Variants in RALGPS1 observed in about 807,000 individuals in gnomAD.
RALGPS1 encodes the protein ras-specific guanine nucleotide-releasing factor RalGPS1.
Under a neutral mutation model 78.8 loss-of-function variants are expected in RALGPS1, and 19 were observed. The observed-to-expected ratio is 0.24, with a 90% confidence interval of 0.17 to 0.35. RALGPS1 has a LOEUF of 0.35. Ranked by LOEUF, RALGPS1 falls within the 10% of genes least tolerant of loss-of-function variation. The pLI is 1.00. For missense variants in RALGPS1, 454 were observed against 688.3 expected, an observed-to-expected ratio of 0.66 and a Z score of 3.81; for synonymous variants, 228 against 256.3, an observed-to-expected ratio of 0.89 and a Z score of 1.06.
intron 14 of RALGPS1, among the ~76,000 whole-genome samples, chr9:127,201,693 T>C (rs2061640377): frequency 6.6e-6 from 1 of 152,102 alleles, no homozygotes; most frequent in African/African-American, 2.4e-5. Context: ...GGCCCGATGC[T>C]TAGCTCCTCC....
At chr9:127,217,355 C>T (rs1302717591) in intron 18 of RALGPS1, 2 of 1,005,068 alleles carry the variant, frequency 2.0e-6, no homozygotes, top group South Asian at 4.6e-5. Context: ...TATTCAACAG[C>T]AGAGGATGAT....
At chr9:127,182,470 C>T (rs1458122842) in intron 11 of RALGPS1, among the ~76,000 whole-genome samples, 1 of 148,592 alleles carries the variant, frequency 6.7e-6, no homozygotes, top group East Asian at 2.0e-4. Flanking sequence ...CGCTCTGTCA[C>T]CCAGGCTGGA....
At chr9:127,096,419 G>A (rs2053148343) in intron 8 of RALGPS1, among the ~76,000 whole-genome samples, 1 of 152,220 alleles carries the variant, frequency 6.6e-6, no homozygotes, top group Non-Finnish European at 1.5e-5. Context: ...AACGCCCACT[G>A]AGAGCGAGCA....
chr9:127,052,365 G>T (rs1009145989), intron 6 of RALGPS1, among the ~76,000 whole-genome samples: 4 of 152,222 alleles, frequency 2.6e-5, no homozygotes, highest in African/African-American at 9.6e-5. Context: ...CTAATTTGGG[G>T]TCTGGTTCAA....
At chr9:126,988,100 C>T (rs1320225666) in intron 4 of RALGPS1, among the ~76,000 whole-genome samples, 1 of 152,132 alleles carries the variant, frequency 6.6e-6, no homozygotes, top group African/African-American at 2.4e-5. Context: ...AGACCAGGAC[C>T]AAAATCCAGA....
In RALGPS1 at chr9:127,174,710, T is replaced by C; in HGVS notation, c.843-5T>C. On this transcript the variant is annotated splice_polypyrimidine_tract_variant and splice_region_variant and intron_variant, in intron 10 of 18. Coordinates refer to ENST00000259351, the MANE Select transcript of RALGPS1 (RefSeq NM_014636.3). ...ATCTGATCTTATGAAAATCTTTGTT[T>C]TCAGACTGTCGCTCAGAATCGAACC... is the stretch of plus-strand genomic sequence containing the variant. The C allele has an allele frequency of 6.2e-7, 1 of 1,614,006 alleles. No homozygotes were observed. Among genetic ancestry groups the C allele is most frequent in the African/African-American group, 1.3e-5 (1 of 75,044 alleles).
chr9:127,053,613 G>A (rs1344172587), intron 7 of RALGPS1, among the ~76,000 whole-genome samples: 3 of 152,174 alleles, frequency 2.0e-5, no homozygotes, highest in Admixed American at 1.3e-4. Flanking sequence ...CAGCCACACA[G>A]CGCAAGCCTT....
chr9:126,958,143 A>AAAAAAAATATATG (rs55968703), intron 1 of RALGPS1, among the ~76,000 whole-genome samples: 3 of 44,904 alleles, frequency 6.7e-5, no homozygotes, highest in African/African-American at 9.7e-5. Flanking sequence ...AAAAAAAAAA[A>AAAAAAAATATATG]TATATATATA....
chr9:127,162,701 A>G (rs2059090285), intron 8 of RALGPS1, among the ~76,000 whole-genome samples: 1 of 151,690 alleles, frequency 6.6e-6, no homozygotes, highest in East Asian at 1.9e-4. Flanking sequence ...GGAATTATGA[A>G]CTCTGTGGGC....
At chr9:127,047,235 A>C (rs1015461526) in intron 5 of RALGPS1, among the ~76,000 whole-genome samples, 1 of 152,236 alleles carries the variant, frequency 6.6e-6, no homozygotes, top group Non-Finnish European at 1.5e-5. Context: ...AAAATTAGAA[A>C]TAACCTATTC....
At chr9:127,040,349 C>T (rs1369531895) in intron 5 of RALGPS1, among the ~76,000 whole-genome samples, 1 of 151,922 alleles carries the variant, frequency 6.6e-6, no homozygotes, top group Non-Finnish European at 1.5e-5. Context: ...TTGCAGTGAG[C>T]CGAGATCTCA....
chr9:127,196,370 C>A, intron 12 of RALGPS1, 104 bp from the exon 13 acceptor site: 2 of 1,389,078 alleles, frequency 1.4e-6, no homozygotes, highest in Non-Finnish European at 9.8e-7. Flanking sequence ...GGGTGGAGGC[C>A]TTTTTCCTGC....
chr9:127,071,173 C>T (rs760861663), intron 8 of RALGPS1, among the ~76,000 whole-genome samples: 2 of 151,760 alleles, frequency 1.3e-5, no homozygotes, highest in Non-Finnish European at 2.9e-5. Context: ...TAGTATTTCT[C>T]ATACTTTGTA....
intron 8 of RALGPS1, among the ~76,000 whole-genome samples, chr9:127,077,567 C>CA (rs2050785043): frequency 1.3e-5 from 2 of 152,352 alleles, no homozygotes; most frequent in Admixed American, 1.3e-4. Context: ...TGGGGGCCAC[C>CA]ACCCTAGGAC....
intron 3 of RALGPS1, among the ~76,000 whole-genome samples, chr9:126,967,621 C>T (rs1289530987): frequency 6.6e-6 from 1 of 152,154 alleles, no homozygotes; most frequent in East Asian, 1.9e-4. Flanking sequence ...ATAAAAGCCT[C>T]AATCTCCCTG....
In RALGPS1 at chr9:127,122,015, C is replaced by T. The variant is rs1316425080; in HGVS notation, c.611-44054C>T. On this transcript the variant is annotated intron_variant, in intron 8 of 18. Coordinates refer to ENST00000259351, the MANE Select transcript of RALGPS1 (RefSeq NM_014636.3). The surrounding 1 kb of genome is among the most constrained non-coding windows in gnomAD (Gnocchi z 6.4). ...ACACGCACACTCCCAGCTGCTCTGC[C>T]GTGCCGGGAGCTGCCGGCCGGCACC... Among the ~76,000 whole-genome samples, 5 of 152,212 alleles carry T rather than the reference C, an allele frequency of 3.3e-5. No individual in the cohort carries two copies. The highest frequency in any genetic ancestry group is 9.6e-5 in the African/African-American group (4 of 41,460).
chr9:127,104,907 C>G (rs2054070958), intron 8 of RALGPS1, among the ~76,000 whole-genome samples: 1 of 152,244 alleles, frequency 6.6e-6, no homozygotes, highest in Non-Finnish European at 1.5e-5. Context: ...AGTGTTTTGT[C>G]TTCCAGGATA....
chr9:127,195,264 A>G (rs2061293946), intron 12 of RALGPS1, 47 bp downstream of exon 12: 1 of 1,597,578 alleles, frequency 6.3e-7, no homozygotes, highest in Admixed American at 1.7e-5. Context: ...ACCGTCCTGC[A>G]CATGGGCCTG....
intron 8 of RALGPS1, among the ~76,000 whole-genome samples, chr9:127,074,247 C>T (rs1168764005): frequency 2.6e-5 from 4 of 152,198 alleles, no homozygotes; most frequent in East Asian, 1.9e-4. Flanking sequence ...TTAGTTGGAC[C>T]GTGCATGAGA....
Sources: gnomAD v4.1 joint callset for allele counts (sites outside exome capture counted in the v4.1 genomes callset) on GRCh38, gnomAD v4.1.1 for gene constraint, Gnocchi (gnomAD v3.1) non-coding constraint, MANE v1.5 for transcripts, NCBI Gene and HGNC (gene_info 2026-07-23, HGNC 2026-07-21) for gene names.